The following SINHCAF variants were observed in gnomAD, a reference collection of about 807,000 sequenced individuals.
The protein encoded by SINHCAF is SIN3-HDAC complex associated factor.
A neutral mutation model predicts 25.8 loss-of-function variants in SINHCAF; 3 were observed. The ratio of observed to expected loss-of-function variants is 0.12; its 90% CI spans 0.05 to 0.30. The LOEUF (loss-of-function observed/expected upper bound fraction) is 0.30. SINHCAF is among the 10% of genes least tolerant of loss of function. The pLI is 1.00. For missense variants in SINHCAF, 121 were observed against 262.3 expected, an observed-to-expected ratio of 0.46 and a Z score of 3.72; for synonymous variants, 70 against 85.5, an observed-to-expected ratio of 0.82 and a Z score of 1.00.
intron 1 of SINHCAF, among the ~76,000 whole-genome samples, chr12:31,321,069 C>A (rs1306265100): frequency 6.6e-6 from 1 of 152,156 alleles, no homozygotes; most frequent in Non-Finnish European, 1.5e-5. Context: ...GAGAAAACCT[C>A]CCTACCTTGA....
chr12:31,314,513 G>C (rs578081997), intron 1 of SINHCAF, among the ~76,000 whole-genome samples: 2 of 151,610 alleles, frequency 1.3e-5, no homozygotes, highest in Non-Finnish European at 2.9e-5. Context: ...GCAACAGAGC[G>C]AGACTCCGTC....
intron 3 of SINHCAF, among the ~76,000 whole-genome samples, chr12:31,294,515 A>G (rs550884392): frequency 2.0e-5 from 3 of 152,312 alleles, no homozygotes; most frequent in South Asian, 2.1e-4. Flanking sequence ...GTTACACGAC[A>G]GCAATAGCAT....
At chr12:31,288,889 G>A (rs1430138083) in intron 4 of SINHCAF, among the ~76,000 whole-genome samples, 2 of 152,092 alleles carry the variant, frequency 1.3e-5, no homozygotes, top group Admixed American at 1.3e-4. Context: ...ATGCTTCAGT[G>A]AGCAATTATG....
chr12:31,302,890 T>A, intron 1 of SINHCAF: 1 of 974,240 alleles, frequency 1.0e-6, no homozygotes, highest in Non-Finnish European at 1.2e-6. Flanking sequence ...CAAACTCCAG[T>A]TACAAATGCA....
chr12:31,307,801 G>A (rs2137114020), intron 1 of SINHCAF, among the ~76,000 whole-genome samples: 1 of 152,122 alleles, frequency 6.6e-6, no homozygotes, highest in African/African-American at 2.4e-5. Flanking sequence ...TCATACAAGG[G>A]GGCCATCCTC....
At chr12:31,311,205 G>A (rs979122527) in intron 1 of SINHCAF, among the ~76,000 whole-genome samples, 5 of 152,108 alleles carry the variant, frequency 3.3e-5, no homozygotes, top group Non-Finnish European at 5.9e-5. Flanking sequence ...TCATACCCAC[G>A]CGTCTTTGAG....
At chr12:31,311,309 T>C (rs1158555109) in intron 1 of SINHCAF, among the ~76,000 whole-genome samples, 1 of 152,244 alleles carries the variant, frequency 6.6e-6, no homozygotes, top group Admixed American at 6.5e-5. Flanking sequence ...CACTGTGCTT[T>C]TTCTAGCTAT....
At chr12:31,295,662 G>C (rs1032099372) in intron 2 of SINHCAF, among the ~76,000 whole-genome samples, 2 of 152,142 alleles carry the variant, frequency 1.3e-5, no homozygotes, top group African/African-American at 4.8e-5. Flanking sequence ...TTGAGGTCAG[G>C]AGTTTGAGAC....
At chr12:31,313,297 G>A (rs1217525334) in intron 1 of SINHCAF, among the ~76,000 whole-genome samples, 1 of 152,188 alleles carries the variant, frequency 6.6e-6, no homozygotes, top group East Asian at 1.9e-4. Context: ...GAAGTGCTGG[G>A]ATTACAGGTG....
chr12:31,293,353 C>A (rs1273094996), intron 4 of SINHCAF, among the ~76,000 whole-genome samples: 1 of 152,162 alleles, frequency 6.6e-6, no homozygotes, highest in Admixed American at 6.5e-5. Context: ...CCCCTTAAAC[C>A]TGAAAGCAAG....
At chr12:31,308,318 T>C (rs1162155587) in intron 1 of SINHCAF, among the ~76,000 whole-genome samples, 3 of 152,126 alleles carry the variant, frequency 2.0e-5, no homozygotes, top group African/African-American at 7.2e-5. Flanking sequence ...GGTCATTCTT[T>C]AAACAGGTAC....
chr12:31,287,155 C>A (rs532275090), intron 5 of SINHCAF, among the ~76,000 whole-genome samples: 8 of 152,254 alleles, frequency 5.3e-5, no homozygotes, highest in Admixed American at 3.3e-4. Flanking sequence ...TGTCTTTTTT[C>A]TAGTACTGTA....
chr12:31,314,556 A>G (rs1939424726), intron 1 of SINHCAF, among the ~76,000 whole-genome samples: 1 of 151,990 alleles, frequency 6.6e-6, no homozygotes, highest in African/African-American at 2.4e-5. Flanking sequence ...GATAGAGTGA[A>G]GGTGTAGGTG....
intron 5 of SINHCAF, among the ~76,000 whole-genome samples, chr12:31,285,551 TATG>T (rs1267079137): frequency 1.3e-5 from 2 of 152,148 alleles, no homozygotes; most frequent in African/African-American, 4.8e-5. Flanking sequence ...TTCCTAACAC[TATG>T]ATAAAATGTA....
chr12:31,300,799 G>A (rs953410209), intron 1 of SINHCAF, among the ~76,000 whole-genome samples: 6 of 151,760 alleles, frequency 4.0e-5, no homozygotes, highest in East Asian at 1.9e-4. Context: ...CTCCAAACTC[G>A]CCCAACAGCT....
At chr12:31,290,262 C>G (rs1340613658) in intron 4 of SINHCAF, among the ~76,000 whole-genome samples, 1 of 152,030 alleles carries the variant, frequency 6.6e-6, no homozygotes, top group African/African-American at 2.4e-5. Context: ...ATGCCTCAGC[C>G]TCTCGAGTAG....
chr12:31,285,757 C>T (rs1938035702), intron 5 of SINHCAF, among the ~76,000 whole-genome samples: 1 of 152,130 alleles, frequency 6.6e-6, no homozygotes, highest in Non-Finnish European at 1.5e-5. Context: ...AGGCAGATCA[C>T]TTGAAGCTAG....
At chr12:31,307,215 A>G (rs1939063429) in intron 1 of SINHCAF, among the ~76,000 whole-genome samples, 1 of 152,182 alleles carries the variant, frequency 6.6e-6, no homozygotes, top group Non-Finnish European at 1.5e-5. Context: ...CTGTAACATC[A>G]CAGTCCAAGT....
At chr12:31,308,269 C>A (rs566745377) in intron 1 of SINHCAF, among the ~76,000 whole-genome samples, 2 of 152,232 alleles carry the variant, frequency 1.3e-5, no homozygotes, top group East Asian at 3.9e-4. Flanking sequence ...TGTTGCACAG[C>A]TGGCTGTCCC....
Sources: allele counts gnomAD v4.1 joint callset (sites outside exome capture counted in the v4.1 genomes callset), GRCh38; gene constraint gnomAD v4.1.1; transcripts MANE v1.5; gene names NCBI Gene and HGNC (gene_info 2026-07-23, HGNC 2026-07-21).